ST3GAL3: variants seen among roughly 807,000 people sequenced by gnomAD.
ST3GAL3 encodes ST3 beta-galactoside alpha-2,3-sialyltransferase 3, also known as CMP-N-acetylneuraminate-beta-1,4-galactoside alpha-2,3-sialyltransferase.
A neutral mutation model predicts 50.1 loss-of-function variants in ST3GAL3; 21 were observed. That is an observed-to-expected ratio of 0.42 (90% CI 0.30 to 0.60). The LOEUF (loss-of-function observed/expected upper bound fraction) is 0.60. Ranked by LOEUF, ST3GAL3 falls within the 20% of genes least tolerant of loss-of-function variation. The probability of loss-of-function intolerance (pLI) is 0.19; values close to 1 mark genes in which losing one functional copy is unlikely to be tolerated. For synonymous variants in ST3GAL3, 183 were observed against 190.0 expected (o/e 0.96, Z 0.30); for missense variants, 353 against 489.4 (o/e 0.72, Z 2.63).
At chr1:43,817,570 T>TC (rs1553350865) in intron 4 of ST3GAL3, among the ~76,000 whole-genome samples, 15 of 76,470 alleles carry the variant, frequency 2.0e-4, no homozygotes, top group Admixed American at 2.5e-4. Context: ...TCTTCCTTCT[T>TC]CTTCTCCTTC....
At chr1:43,712,399 T>G (rs304303) in intron 1 of ST3GAL3, among the ~76,000 whole-genome samples, 116,204 of 152,002 alleles carry the variant, frequency 0.76, 45,438 homozygotes, top group African/African-American at 0.92. Flanking sequence ...ATACATTTCT[T>G]TCTCTCCTAC....
At chr1:43,907,434 G>A (rs1182730635) in intron 9 of ST3GAL3, among the ~76,000 whole-genome samples, 1 of 152,146 alleles carries the variant, frequency 6.6e-6, no homozygotes, top group Non-Finnish European at 1.5e-5. Context: ...GCATCTCAGT[G>A]CTGCTTCCCA....
intron 1 of ST3GAL3, among the ~76,000 whole-genome samples, chr1:43,730,096 T>G (rs1246201064): frequency 6.6e-6 from 1 of 152,240 alleles, no homozygotes; most frequent in African/African-American, 2.4e-5. Context: ...TTTTTTGCTC[T>G]TTTGTATGTT....
chr1:43,876,290 A>G (rs921272036), intron 5 of ST3GAL3, among the ~76,000 whole-genome samples: 55 of 151,936 alleles, frequency 3.6e-4, no homozygotes, highest in Non-Finnish European at 1.8e-4. Flanking sequence ...TTTATTTTTG[A>G]CTGAGCCTAT....
At chr1:43,868,146 T>C (rs1302649136) in intron 5 of ST3GAL3, among the ~76,000 whole-genome samples, 1 of 152,260 alleles carries the variant, frequency 6.6e-6, no homozygotes, top group African/African-American at 2.4e-5. Flanking sequence ...ATGATTCATG[T>C]AGTATTTCCC....
At chr1:43,817,665 TCTC>T (rs765888567) in intron 4 of ST3GAL3, among the ~76,000 whole-genome samples, 4 of 128,460 alleles carry the variant, frequency 3.1e-5, no homozygotes, top group Non-Finnish European at 6.7e-5. Context: ...TTCTCCTTCT[TCTC>T]CTTCTTCCTT....
chr1:43,898,714 GCT>G (rs1483220739), intron 7 of ST3GAL3, among the ~76,000 whole-genome samples: 12 of 152,258 alleles, frequency 7.9e-5, no homozygotes, highest in African/African-American at 2.6e-4. Flanking sequence ...AGATGGGTAA[GCT>G]CTCTAGTGGC....
intron 2 of ST3GAL3, among the ~76,000 whole-genome samples, chr1:43,778,644 C>CTTTTTTTTTTTT (rs35726867): frequency 1.3e-4 from 15 of 118,702 alleles, no homozygotes; most frequent in African/African-American, 1.9e-4. Flanking sequence ...TTCTTTTTTT[C>CTTTTTTTTTTTT]TTTTTTTTTT....
chr1:43,770,032 T>G (rs1320209355), intron 2 of ST3GAL3, among the ~76,000 whole-genome samples: 1 of 152,120 alleles, frequency 6.6e-6, no homozygotes, highest in Non-Finnish European at 1.5e-5. Flanking sequence ...TAATTTAAAC[T>G]ATAACTTGAA....
intron 2 of ST3GAL3, among the ~76,000 whole-genome samples, chr1:43,769,156 A>G (rs1694172445): frequency 6.6e-6 from 1 of 152,262 alleles, no homozygotes; most frequent in Non-Finnish European, 1.5e-5. Context: ...TATTAGATTA[A>G]AAAGAAAAAC....
At chr1:43,833,795 G>A (rs1056495476) in intron 4 of ST3GAL3, among the ~76,000 whole-genome samples, 2 of 152,282 alleles carry the variant, frequency 1.3e-5, no homozygotes, top group East Asian at 1.9e-4. Flanking sequence ...TCCACAGGGG[G>A]ATGGGTTCTA....
At chr1:43,778,770 C>T (rs1305216846) in intron 2 of ST3GAL3, among the ~76,000 whole-genome samples, 5 of 149,148 alleles carry the variant, frequency 3.4e-5, no homozygotes, top group Non-Finnish European at 6.0e-5. Flanking sequence ...CTCAGCCTCC[C>T]GAGTAGCTGG....
At chr1:43,757,198 C>G (rs1688456178) in intron 2 of ST3GAL3, among the ~76,000 whole-genome samples, 1 of 152,166 alleles carries the variant, frequency 6.6e-6, no homozygotes, top group African/African-American at 2.4e-5. Context: ...AAGCACCGCA[C>G]CTGGCCCCCA....
chr1:43,724,411 G>GT (rs765032862), intron 1 of ST3GAL3, among the ~76,000 whole-genome samples: 33 of 149,936 alleles, frequency 2.2e-4, no homozygotes, highest in Admixed American at 4.0e-4. Context: ...TAGAGATGGG[G>GT]TTTCGCCATG....
At chr1:43,798,750 C>A (rs1573051933) in intron 3 of ST3GAL3, among the ~76,000 whole-genome samples, 1 of 152,216 alleles carries the variant, frequency 6.6e-6, no homozygotes, top group African/African-American at 2.4e-5. Flanking sequence ...TACTTGCACA[C>A]TGTCAATCTC....
chr1:43,719,681 G>A (rs1487720189), intron 1 of ST3GAL3, among the ~76,000 whole-genome samples: 1 of 147,644 alleles, frequency 6.8e-6, no homozygotes, highest in African/African-American at 2.5e-5. Flanking sequence ...AAAAGAATAA[G>A]CGGTGGCTTG....
At chr1:43,840,286 C>G (rs1188935122) in intron 5 of ST3GAL3, 2 of 152,160 alleles carry the variant, frequency 1.3e-5, no homozygotes, top group African/African-American at 4.8e-5. Context: ...CTTGGCCTCC[C>G]AAAGTGCTGG....
intron 2 of ST3GAL3, among the ~76,000 whole-genome samples, chr1:43,753,259 TG>T (rs1445822626): frequency 6.6e-6 from 1 of 152,266 alleles, no homozygotes; most frequent in Non-Finnish European, 1.5e-5. Flanking sequence ...GAATATTGCC[TG>T]GTGTGCAGAC....
intron 2 of ST3GAL3, among the ~76,000 whole-genome samples, chr1:43,779,721 C>CTATGACCA (rs1698725429): frequency 6.6e-6 from 1 of 152,184 alleles, no homozygotes; most frequent in Admixed American, 6.5e-5. Context: ...AGTCTATATA[C>CTATGACCA]TATGACCATA....
Sources: allele counts gnomAD v4.1 joint callset (sites outside exome capture counted in the v4.1 genomes callset), GRCh38; gene constraint gnomAD v4.1.1; transcripts MANE v1.5; gene names NCBI Gene and HGNC (gene_info 2026-07-23, HGNC 2026-07-21).